Variants in ARHGEF3 observed in about 807,000 individuals in gnomAD.
The protein encoded by ARHGEF3 is 59.8 kDA protein.
Under a neutral mutation model 63.2 loss-of-function variants are expected in ARHGEF3, and 28 were observed. The observed-to-expected ratio is 0.44, with a 90% CI of 0.33 to 0.61. The LOEUF is 0.61. ARHGEF3 is among the 20% of genes least tolerant of loss of function. The probability of loss-of-function intolerance (pLI) is 0.03; values close to 1 mark genes in which losing one functional copy is unlikely to be tolerated. For missense variants in ARHGEF3, 533 were observed against 659.3 expected, an observed-to-expected ratio of 0.81 and a Z score of 2.10; for synonymous variants, 266 against 254.2, an observed-to-expected ratio of 1.05 and a Z score of -0.44.
chr3:57,054,866 A>C (rs551274017), intron 1 of ARHGEF3, among the ~76,000 whole-genome samples: 6 of 150,914 alleles, frequency 4.0e-5, no homozygotes, highest in Admixed American at 2.0e-4. Flanking sequence ...GGCCAGTATG[A>C]TCTCAATCTC....
At chr3:56,955,933 A>G (rs1014799411) in intron 3 of ARHGEF3, among the ~76,000 whole-genome samples, 3 of 152,246 alleles carry the variant, frequency 2.0e-5, no homozygotes, top group Non-Finnish European at 4.4e-5. Flanking sequence ...AGTTTTGGCC[A>G]AGGAGGAATC....
At position 56,770,440 on chromosome 3, in the gene ARHGEF3, T is replaced by A. The variant is rs1353088035; in HGVS notation, c.204+3269A>T. 2.0e-5 allele frequency among the ~76,000 whole-genome samples: 3 copies of A among 148,592 alleles called. No homozygotes were observed. The Admixed American group carries it at 2.1e-4, about 10-fold the overall frequency. ...TTAAATTAAATTAAATTAAATTAAA[T>A]TAAATTAAAATAAAATGAAATAAAA... On this transcript the variant is annotated intron_variant, in intron 2 of 9. Transcript: ENST00000296315.
rs532983260 is a variant in ARHGEF3, at chr3:56,958,752, C to T, written c.129+71G>A. 3.7e-4 allele frequency: 533 copies of T among 1,457,874 alleles called. 5 individuals are homozygous for T. In the South Asian group the frequency reaches 4.9e-3, roughly 13 times the overall value. The allele number at this position is 1,457,874 out of a possible 1,614,324, so 90.3% of individuals were successfully genotyped here. On this transcript the variant is annotated intron_variant, in intron 3 of 12. Transcript: ENST00000338458. ...TAGTAAAACCAACCCTAACAGCGTC[C>T]GTTCTGGAGGCCAGAGCATGTATCC...
intron 4 of ARHGEF3, chr3:56,882,256 C>T: frequency 6.5e-7 from 1 of 1,532,888 alleles, no homozygotes; most frequent in Non-Finnish European, 8.8e-7. Flanking sequence ...GAGAGATGCT[C>T]TCGGTGCCAG....
At chr3:57,075,938 T>C (rs973890556) in intron 1 of ARHGEF3, among the ~76,000 whole-genome samples, 1 of 152,270 alleles carries the variant, frequency 6.6e-6, no homozygotes, top group Non-Finnish European at 1.5e-5. Flanking sequence ...CCACCCATCA[T>C]GCTGATACTA....
At chr3:56,783,507 C>G (rs2036659536) in intron 1 of ARHGEF3, among the ~76,000 whole-genome samples, 1 of 152,128 alleles carries the variant, frequency 6.6e-6, no homozygotes, top group South Asian at 2.1e-4. Flanking sequence ...CTTGGTACCA[C>G]TGAGTTTTTG....
intron 3 of ARHGEF3, chr3:56,916,252 C>T (rs1396721936): frequency 1.8e-5 from 28 of 1,520,002 alleles, no homozygotes; most frequent in East Asian, 4.9e-5. Context: ...CCACCCCACC[C>T]GGCTCGGGTG....
chr3:56,930,813 G>T (rs1325527983), intron 3 of ARHGEF3, among the ~76,000 whole-genome samples: 1 of 152,102 alleles, frequency 6.6e-6, no homozygotes, highest in Non-Finnish European at 1.5e-5. Flanking sequence ...TCAATACCAC[G>T]CTCCATGGAG....
chr3:56,832,505 T>G (rs945185123), intron 4 of ARHGEF3, among the ~76,000 whole-genome samples: 1 of 150,142 alleles, frequency 6.7e-6, no homozygotes, highest in Admixed American at 6.7e-5. Context: ...AGTCCCACAT[T>G]CCATCTTTGG....
intron 3 of ARHGEF3, among the ~76,000 whole-genome samples, chr3:56,953,174 T>G (rs1201613892): frequency 6.6e-6 from 1 of 152,202 alleles, no homozygotes; most frequent in Non-Finnish European, 1.5e-5. Flanking sequence ...TGGCTTCTTT[T>G]GCAGTGTAGA....
At chr3:56,893,486 T>A (rs200957150) in intron 3 of ARHGEF3, among the ~76,000 whole-genome samples, 24,285 of 152,090 alleles carry the variant, frequency 0.16, 2,767 homozygotes, top group East Asian at 0.5. Flanking sequence ...ACCCCTTTGC[T>A]GGGCTTTATA....
intron 1 of ARHGEF3, among the ~76,000 whole-genome samples, chr3:57,047,240 C>T (rs1189198182): frequency 6.6e-6 from 1 of 152,166 alleles, no homozygotes; most frequent in African/African-American, 2.4e-5. Flanking sequence ...CCCAGCTACT[C>T]AGGAGGCTGA....
intron 2 of ARHGEF3, among the ~76,000 whole-genome samples, chr3:57,015,834 G>T (rs896341411): frequency 6.6e-6 from 1 of 151,876 alleles, no homozygotes; most frequent in Non-Finnish European, 1.5e-5. Flanking sequence ...TAGACACTTC[G>T]CCACCCTTGT....
chr3:56,795,389 G>A (rs1270433651), intron 1 of ARHGEF3, among the ~76,000 whole-genome samples: 2 of 152,048 alleles, frequency 1.3e-5, no homozygotes, highest in Non-Finnish European at 2.9e-5. Flanking sequence ...CAGAAAAAAA[G>A]AGCCTGTTTT....
At chr3:56,868,375 T>C (rs1436227186) in intron 4 of ARHGEF3, among the ~76,000 whole-genome samples, 6 of 142,606 alleles carry the variant, frequency 4.2e-5, no homozygotes, top group Non-Finnish European at 9.3e-5. Flanking sequence ...TTTTTTTTTT[T>C]CGAGACAGAG....
At chr3:56,816,034 T>C (rs543369166) in intron 4 of ARHGEF3, among the ~76,000 whole-genome samples, 1 of 152,068 alleles carries the variant, frequency 6.6e-6, no homozygotes, top group African/African-American at 2.4e-5. Context: ...ACCAACATAG[T>C]GAGATCCTGT....
At chr3:57,047,980 G>C (rs762346262) in intron 1 of ARHGEF3, among the ~76,000 whole-genome samples, 65 of 152,176 alleles carry the variant, frequency 4.3e-4, no homozygotes, top group Non-Finnish European at 7.5e-4. Context: ...TGGATCTCCA[G>C]AGGCAGTAAA....
intron 3 of ARHGEF3, 98 bp from the exon 4 acceptor site, chr3:56,753,664 A>G (rs2276720): frequency 0.18 from 185,224 of 1,005,248 alleles, 22,653 homozygotes; most frequent in African/African-American, 0.51. Flanking sequence ...CCAAATTTAC[A>G]TATTTAAGTA....
At chr3:56,801,998 G>A, upstream of ARHGEF3, 1 of 1,474,800 alleles carries the variant, frequency 6.8e-7, no homozygotes, top group Non-Finnish European at 8.9e-7. Flanking sequence ...GCCTTGATGG[G>A]TGGGGAGGGG....
Sources: gnomAD v4.1 joint callset for allele counts (sites outside exome capture counted in the v4.1 genomes callset) on GRCh38, gnomAD v4.1.1 for gene constraint, MANE v1.5 for transcripts, NCBI Gene and HGNC (gene_info 2026-07-23, HGNC 2026-07-21) for gene names.